The following PARP16 variants were observed in gnomAD, a reference collection of about 807,000 sequenced individuals.
PARP16 encodes the protein protein mono-ADP-ribosyltransferase PARP16.
PARP16 carries 31 observed loss-of-function variants against 35.0 expected under a neutral mutation model. The observed-to-expected ratio is 0.88, with a 90% CI of 0.66 to 1.19. The LOEUF (loss-of-function observed/expected upper bound fraction) is 1.19. PARP16 is among the 50% of genes most tolerant of loss of function. The pLI, the probability that PARP16 is intolerant of heterozygous loss-of-function variation, is 0.00. For missense variants in PARP16, 424 were observed against 411.2 expected, an observed-to-expected ratio of 1.03 and a Z score of -0.27; for synonymous variants, 162 against 169.5, an observed-to-expected ratio of 0.96 and a Z score of 0.34.
At position 65,241,883 on chromosome 15, in the gene PARP16, A is replaced by G. The variant is rs111427788; in HGVS notation, c.*97+6234T>C. On this transcript the variant is annotated intron_variant and NMD_transcript_variant, in intron 3 of 3. Transcript: ENST00000559805. ...CGTTTTTCTAGTGGTATCATTAGAG[A>G]GCAAAAGTTTTAAATTTTAATGAAG... Among the ~76,000 whole-genome samples, 1,333 of 152,140 alleles carry G rather than the reference A, an allele frequency of 8.8e-3. 7 individuals are homozygous for G. Among genetic ancestry groups the G allele is most frequent in the Non-Finnish European group, 0.014 (981 of 68,026 alleles).
intron 1 of PARP16, among the ~76,000 whole-genome samples, chr15:65,285,140 GTTTT>G (rs759145300): frequency 1.1e-4 from 15 of 135,246 alleles, no homozygotes; most frequent in Admixed American, 6.7e-4. Flanking sequence ...CACCCTCCAG[GTTTT>G]TTTTTTTTTT....
At chr15:65,243,559 T>C (rs986106446) in intron 3 of PARP16, among the ~76,000 whole-genome samples, 2 of 152,140 alleles carry the variant, frequency 1.3e-5, no homozygotes, top group Non-Finnish European at 2.9e-5. Context: ...TTGGAATATC[T>C]CTGTCTGGTT....
intron 1 of PARP16, among the ~76,000 whole-genome samples, chr15:65,277,684 C>T (rs1287520256): frequency 1.3e-5 from 2 of 152,252 alleles, no homozygotes; most frequent in East Asian, 3.9e-4. Flanking sequence ...TATTCTCCTG[C>T]CATACACTCC....
intron 1 of PARP16, among the ~76,000 whole-genome samples, chr15:65,276,606 A>G (rs1460816048): frequency 2.0e-5 from 3 of 152,140 alleles, no homozygotes; most frequent in East Asian, 1.9e-4. Flanking sequence ...GGCTCATGCA[A>G]TCCACCAGCC....
chr15:65,249,480 T>A (rs976572716), intron 2 of PARP16, among the ~76,000 whole-genome samples: 3 of 152,170 alleles, frequency 2.0e-5, no homozygotes, highest in African/African-American at 7.2e-5. Flanking sequence ...AATGTCTCGT[T>A]CAACCTGGAG....
intron 1 of PARP16, among the ~76,000 whole-genome samples, chr15:65,284,811 CTTTTTTT>C (rs35683940): frequency 1.4e-5 from 1 of 72,216 alleles, no homozygotes; most frequent in Non-Finnish European, 2.5e-5. Context: ...AATCCAACGT[CTTTTTTT>C]TTTTTTTTTT....
chr15:65,243,688 T>G (rs1194075338), intron 3 of PARP16, among the ~76,000 whole-genome samples: 1 of 152,178 alleles, frequency 6.6e-6, no homozygotes, highest in Admixed American at 6.6e-5. Context: ...TTTAGTAGAG[T>G]TCACTAGTGA....
chr15:65,257,771 C>T (rs2089560804), downstream of PARP16, among the ~76,000 whole-genome samples: 1 of 152,090 alleles, frequency 6.6e-6, no homozygotes, highest in African/African-American at 2.4e-5. Context: ...AAGTATTTCC[C>T]TAAACTTTAT....
chr15:65,239,718 G>A (rs2088998372), intron 3 of PARP16, among the ~76,000 whole-genome samples: 1 of 146,764 alleles, frequency 6.8e-6, no homozygotes, highest in Admixed American at 6.8e-5. Flanking sequence ...GTGTAGTGGC[G>A]CGATCTCCCC....
At chr15:65,262,509 G>C (rs2089764563) in intron 4 of PARP16, among the ~76,000 whole-genome samples, 1 of 152,126 alleles carries the variant, frequency 6.6e-6, no homozygotes, top group Non-Finnish European at 1.5e-5. Flanking sequence ...CACAATGGTG[G>C]GGGGAGACAA....
At chr15:65,262,086 C>T (rs2089741755) in intron 4 of PARP16, among the ~76,000 whole-genome samples, 1 of 150,884 alleles carries the variant, frequency 6.6e-6, no homozygotes, top group African/African-American at 2.4e-5. Flanking sequence ...CCAGAACAGT[C>T]AGTTTTCTGA....
intron 3 of PARP16, among the ~76,000 whole-genome samples, chr15:65,263,853 G>C (rs1319389605): frequency 6.6e-6 from 1 of 152,134 alleles, no homozygotes; most frequent in Non-Finnish European, 1.5e-5. Flanking sequence ...CCTGTTACAT[G>C]AATGCAGTAG....
intron 1 of PARP16, among the ~76,000 whole-genome samples, chr15:65,279,951 T>C (rs1032851570): frequency 6.6e-5 from 10 of 151,878 alleles, no homozygotes; most frequent in Admixed American, 4.6e-4. Context: ...TTGTAAAGAA[T>C]GATCTTTCCA....
Position 65,261,014 on chromosome 15 carries a change from A to C in PARP16, c.704T>G (p.Ile235Arg). The C allele has an allele frequency of 6.2e-7, 1 of 1,613,736 alleles. No individual in the cohort carries two copies. The highest frequency in any genetic ancestry group is 8.5e-7 in the Non-Finnish European group (1 of 1,179,826). The change falls in exon 5 of 6, where the codon ATA becomes AGA. Residue 235 changes from isoleucine (I) to arginine (R), a missense_variant. By Grantham distance (97) the Ile-to-Arg change is moderately conservative (BLOSUM62 -3). Transcript: ENST00000649807. ...TTTGATTCTCGCTCGTCTGCGATCT[A>C]TCTCCTTGGAATCTGAATAAGGAGA... is the stretch of plus-strand genomic sequence containing the variant. ...CQTKKKDSKE[I>R]DRRRARIKHS...
chr15:65,252,634 G>T (rs1173495088), intron 2 of PARP16, among the ~76,000 whole-genome samples: 1 of 152,188 alleles, frequency 6.6e-6, no homozygotes, highest in Admixed American at 6.5e-5. Context: ...AGCAAAGTTT[G>T]ATTCCAGCGG....
In PARP16 at chr15:65,271,016, G is replaced by C; in HGVS notation, c.231C>G (p.Asp77Glu). 6.2e-7 allele frequency: 1 copy of C among 1,613,888 alleles called. No homozygotes were observed. Residue 77 changes from aspartate (D) to glutamate (E), a missense_variant, in exon 2 of 6, where the codon GAC becomes GAG. Transcript: ENST00000649807. ...CCAGGTCCCAGGCCCGTTTGTGGTT[G>C]TCTCCGGAGGACTGGAGAAGTTCTT... is the stretch of plus-strand genomic sequence containing the variant. ...NLKELLQSSGDNHKRAWDLVS... is the reference protein window; with the variant it reads ...NLKELLQSSGENHKRAWDLVS...
At chr15:65,240,148 C>CT (rs56275228) in intron 3 of PARP16, among the ~76,000 whole-genome samples, 32,222 of 148,412 alleles carry the variant, frequency 0.22, 3,741 homozygotes, top group Middle Eastern at 0.29. Flanking sequence ...TTTTTCTTTT[C>CT]TTTTTTTTGT....
chr15:65,267,677 A>ATTT (rs2089948524), intron 2 of PARP16, among the ~76,000 whole-genome samples: 1 of 90,366 alleles, frequency 1.1e-5, no homozygotes, highest in African/African-American at 4.2e-5. Context: ...AATTTTCCTA[A>ATTT]CTTTTTTTTT....
At chr15:65,276,826 C>CA (rs2140948006) in intron 1 of PARP16, among the ~76,000 whole-genome samples, 1 of 151,774 alleles carries the variant, frequency 6.6e-6, no homozygotes, top group South Asian at 2.1e-4. Context: ...ACTAAAAATA[C>CA]AAAAAATTAG....
Sources: gnomAD v4.1 joint callset for allele counts (sites outside exome capture counted in the v4.1 genomes callset) on GRCh38, gnomAD v4.1.1 for gene constraint, MANE v1.5 for transcripts, NCBI Gene and HGNC (gene_info 2026-07-23, HGNC 2026-07-21) for gene names.